NCOA2: variants seen among roughly 807,000 people sequenced by gnomAD.
The protein encoded by NCOA2 is class E basic helix-loop-helix protein 75.
Under a neutral mutation model 145.1 loss-of-function variants are expected in NCOA2, and 21 were observed. That is an observed-to-expected ratio of 0.14 (90% CI 0.10 to 0.21). The LOEUF is 0.21. NCOA2 is among the 10% of genes least tolerant of loss of function. NCOA2 has a pLI of 1.00. For synonymous variants in NCOA2, 619 were observed against 637.5 expected, an observed-to-expected ratio of 0.97 and a Z score of 0.44; for missense variants, 1,472 against 1,837.6, an observed-to-expected ratio of 0.80 and a Z score of 3.64.
intron 1 of NCOA2, among the ~76,000 whole-genome samples, chr8:70,403,056 A>C (rs1213660083): frequency 7.4e-6 from 1 of 135,716 alleles, no homozygotes; most frequent in Admixed American, 7.3e-5. Flanking sequence ...CCCGCGCTGC[A>C]GCTCGCCGGC....
intron 10 of NCOA2, among the ~76,000 whole-genome samples, chr8:70,158,778 C>CA (rs888044751): frequency 6.6e-6 from 1 of 151,980 alleles, no homozygotes; most frequent in Non-Finnish European, 1.5e-5. Flanking sequence ...CAAAACAAAA[C>CA]AAAAAAACCA....
intron 2 of NCOA2, among the ~76,000 whole-genome samples, chr8:70,258,321 T>G (rs1189975712): frequency 6.6e-6 from 1 of 152,240 alleles, no homozygotes; most frequent in Admixed American, 6.5e-5. Context: ...TTCATGTAAA[T>G]GAGACCCAAT....
rs372574771 is a variant in NCOA2 at position 70,281,355 on chromosome 8, C to CAA, written c.-20+15387_-20+15388dup. 7.5e-3 allele frequency among the ~76,000 whole-genome samples: 459 copies of CAA among 60,922 alleles called. 12 individuals are homozygous for CAA. Among genetic ancestry groups the CAA allele is most frequent in the Non-Finnish European group, 0.013 (374 of 29,474 alleles). 40.0% of individuals were successfully genotyped at this position (60,922 alleles called of 152,430 possible). On this transcript the variant is annotated intron_variant, in intron 2 of 22. Coordinates refer to ENST00000452400, the MANE Select transcript of NCOA2 (RefSeq NM_006540.4). ...TGGGTGACAGAGCGAGACCCTGTCT[C>CAA]AAAAAAAAAAAAAAAAAAAAAAAAA...
At chr8:70,443,449 C>T in the NCOA2 span, among the ~76,000 whole-genome samples, 1 of 152,142 alleles carries the variant, frequency 6.6e-6, no homozygotes, top group African/African-American at 2.4e-5. Flanking sequence ...TATCTTTAGA[C>T]AGCAGTGATT....
At chr8:70,325,736 T>C (rs577852293) in intron 1 of NCOA2, among the ~76,000 whole-genome samples, 8 of 152,348 alleles carry the variant, frequency 5.3e-5, no homozygotes, top group East Asian at 1.9e-4. Flanking sequence ...TTTTCACTTA[T>C]ACTTTTCATT....
chr8:70,203,021 T>C (rs892791400), intron 4 of NCOA2, among the ~76,000 whole-genome samples: 1 of 152,026 alleles, frequency 6.6e-6, no homozygotes, highest in African/African-American at 2.4e-5. Context: ...TCCCAGCACT[T>C]TGGGAGGCTG....
At chr8:70,179,379 T>C (rs1024097119) in intron 4 of NCOA2, among the ~76,000 whole-genome samples, 1 of 152,152 alleles carries the variant, frequency 6.6e-6, no homozygotes, top group Non-Finnish European at 1.5e-5. Context: ...TTACTACCTC[T>C]GTTGAATGTT....
At chr8:70,331,797 C>T (rs1807131288) in intron 1 of NCOA2, among the ~76,000 whole-genome samples, 1 of 151,920 alleles carries the variant, frequency 6.6e-6, no homozygotes, top group African/African-American at 2.4e-5. Flanking sequence ...ATATTGTGAA[C>T]AAAATAAAAT....
In NCOA2 at chr8:70,144,767, G is replaced by T. The variant is rs1033480185; in HGVS notation, c.2687C>A (p.Pro896Gln). 3 of 1,613,836 alleles carry T rather than the reference G, an allele frequency of 1.9e-6. No homozygotes were observed. The highest frequency in any genetic ancestry group is 2.7e-5 in the African/African-American group (2 of 74,896). The part of the protein sequence containing the change: ...NLPLDITLQS[P>Q]TGAGPFPPIR... ...TGGTGGGAAAGGTCCAGCACCAGTT[G>T]GGCTTTGCAATGTGATGTCAAGTGG... is the stretch of plus-strand genomic sequence containing the variant. The change falls in exon 13 of 23, where the codon CCA becomes CAA. Residue 896 changes from proline to glutamine, a missense_variant. Pro to Gln is a moderately conservative substitution (Grantham distance 76). Transcript: ENST00000452400.
intron 1 of NCOA2, among the ~76,000 whole-genome samples, chr8:70,363,126 G>C (rs1387175411): frequency 1.4e-5 from 2 of 147,048 alleles, no homozygotes; most frequent in Non-Finnish European, 3.0e-5. Context: ...GCTCACACCT[G>C]TAATCCCAGC....
intron 1 of NCOA2, among the ~76,000 whole-genome samples, chr8:70,356,287 T>TG (rs1809677825): frequency 6.6e-6 from 1 of 152,062 alleles, no homozygotes; most frequent in Admixed American, 6.5e-5. Flanking sequence ...TAAGACCCAA[T>TG]GTCTGTAAAT....
At chr8:70,343,323 C>A (rs775988323) in intron 1 of NCOA2, among the ~76,000 whole-genome samples, 1 of 152,030 alleles carries the variant, frequency 6.6e-6, no homozygotes, top group African/African-American at 2.4e-5. Flanking sequence ...TCACAAAAAA[C>A]TAAAATAATA....
chr8:70,147,927 A>G (rs1811285583), intron 12 of NCOA2, among the ~76,000 whole-genome samples: 1 of 152,206 alleles, frequency 6.6e-6, no homozygotes, highest in African/African-American at 2.4e-5. Flanking sequence ...TATATATTTC[A>G]GTATTTCATT....
chr8:70,127,344 A>AT (rs1808539484), intron 18 of NCOA2, among the ~76,000 whole-genome samples: 1 of 152,244 alleles, frequency 6.6e-6, no homozygotes, highest in African/African-American at 2.4e-5. Flanking sequence ...TCTCAAAATA[A>AT]CACAGTCCTT....
At chr8:70,368,654 A>C (rs1810928837) in intron 1 of NCOA2, among the ~76,000 whole-genome samples, 1 of 152,210 alleles carries the variant, frequency 6.6e-6, no homozygotes, top group South Asian at 2.1e-4. Flanking sequence ...TGTATTTCTT[A>C]AGTGTCACAT....
At chr8:70,147,305 ATCTGTCT>A (rs1811212876) in intron 12 of NCOA2, among the ~76,000 whole-genome samples, 1 of 152,064 alleles carries the variant, frequency 6.6e-6, no homozygotes, top group African/African-American at 2.4e-5. Context: ...GCCCAAACTC[ATCTGTCT>A]TTTGTTTTTC....
intron 18 of NCOA2, among the ~76,000 whole-genome samples, chr8:70,127,745 T>A (rs1173486065): frequency 6.6e-6 from 1 of 152,242 alleles, no homozygotes; most frequent in Non-Finnish European, 1.5e-5. Flanking sequence ...TCACAGTCAT[T>A]CGTAGACATG....
upstream of NCOA2, chr8:70,403,895 C>G (rs1038950691): frequency 8.0e-6 from 3 of 376,380 alleles, no homozygotes; most frequent in Admixed American, 4.5e-5. Flanking sequence ...TCCGCACTTG[C>G]GGAGAGACAG....
chr8:70,333,524 A>T (rs991452826), intron 1 of NCOA2, among the ~76,000 whole-genome samples: 2 of 152,040 alleles, frequency 1.3e-5, no homozygotes, highest in Non-Finnish European at 2.9e-5. Context: ...TCTCTTTCAC[A>T]CTCTGTTGGG....
Sources: allele counts gnomAD v4.1 joint callset (sites outside exome capture counted in the v4.1 genomes callset), GRCh38; gene constraint gnomAD v4.1.1; transcripts MANE v1.5; gene names NCBI Gene and HGNC (gene_info 2026-07-23, HGNC 2026-07-21).